MTCH2: variants seen among roughly 807,000 people sequenced by gnomAD.
MTCH2 encodes mitochondrial carrier homolog 2.
A neutral mutation model predicts 50.6 loss-of-function variants in MTCH2; 25 were observed. That is an observed-to-expected ratio of 0.49 (90% CI 0.36 to 0.69). The LOEUF (loss-of-function observed/expected upper bound fraction) is 0.69, where lower values mean the gene tolerates loss of function less well. Among genes scored for constraint, MTCH2 ranks in the 30% least tolerant of loss-of-function variants. MTCH2 has a pLI of 0.00. For synonymous variants in MTCH2, 106 were observed against 132.0 expected (o/e 0.80, Z 1.35); for missense variants, 273 against 384.4 (o/e 0.71, Z 2.42).
chr11:47,638,545 CAAAA>C (rs59317101), intron 3 of MTCH2, among the ~76,000 whole-genome samples, 150 bp downstream of exon 3: 1 of 53,066 alleles, frequency 1.9e-5, no homozygotes, highest in African/African-American at 8.5e-5. Flanking sequence ...GACTCCATCT[CAAAA>C]AAAAAAAAAA....
rs546623888 is a variant in MTCH2, at chr11:47,629,191, C to T, written c.540-145G>A. ...AGGAATCAAACACCAGAATCCAGCCCGCATACCTAGTTCATTCTCGTTAAC... is the reference window on the plus strand; with the variant it reads ...AGGAATCAAACACCAGAATCCAGCCTGCATACCTAGTTCATTCTCGTTAAC... On this transcript the variant is annotated intron_variant, in intron 8 of 12. Transcript: ENST00000302503. 184 of 646,136 alleles carry T rather than the reference C, an allele frequency of 2.8e-4. 1 individual carries two copies. The highest frequency in any genetic ancestry group is 2.0e-3 in the South Asian group (115 of 56,130). The allele number at this position is 646,136 out of a possible 1,614,324, so 40.0% of individuals were successfully genotyped here. A position where few individuals can be genotyped will look rare whatever the true frequency, so the allele number is the denominator to read the frequency against.
intron 12 of MTCH2, among the ~76,000 whole-genome samples, chr11:47,619,740 A>G (rs1282755608): frequency 6.6e-6 from 1 of 152,194 alleles, no homozygotes; most frequent in African/African-American, 2.4e-5. Flanking sequence ...CAGGAATTTG[A>G]GACCAGCCTG....
rs2097297456 is a variant in MTCH2, at chr11:47,625,692, A to G, written c.731T>C (p.Met244Thr). Residue 244 changes from methionine (M) to threonine (T), a missense_variant, in exon 11 of 13, where the codon ATG becomes ACG. Met to Thr is a moderately conservative substitution (Grantham distance 81). Transcript: ENST00000302503. ...TYPFVLVSNL[M>T]AVNNCGLAGG... ...TGCTTACCCACAGTTGTTGACAGCC[A>G]TAAGATTGGAGACAAGCACAAAGGG... is the stretch of plus-strand genomic sequence containing the variant. The G allele has an allele frequency of 2.5e-6, 4 of 1,613,156 alleles. No individual in the cohort carries two copies. Among genetic ancestry groups the G allele is most frequent in the Non-Finnish European group, 3.4e-6 (4 of 1,179,212 alleles).
At chr11:47,605,860 A>G in the MTCH2 span, among the ~76,000 whole-genome samples, 3 of 152,174 alleles carry the variant, frequency 2.0e-5, no homozygotes, top group African/African-American at 4.8e-5. Flanking sequence ...TATTGTTGAT[A>G]TTTTTATCAT....
chr11:47,631,742 C>A (rs1184378672), intron 5 of MTCH2, 31 bp from the exon 6 acceptor site: 1 of 1,612,622 alleles, frequency 6.2e-7, no homozygotes, highest in Non-Finnish European at 8.5e-7. Flanking sequence ...CTTCTGAAAT[C>A]TAAACAAATG....
chr11:47,631,049 C>G lies in MTCH2; in HGVS notation c.466G>C (p.Glu156Gln), dbSNP rs774983894. 1 of 1,612,290 alleles carries G rather than the reference C, an allele frequency of 6.2e-7. No homozygotes were observed. Among genetic ancestry groups the G allele is most frequent in the Non-Finnish European group, 8.5e-7 (1 of 1,178,544 alleles). ...LRSMVQFIGR[E>Q]SKYCGLCDSI... ...AAAAATACTTACCAGTACTTGGATT[C>G]TCTGCCAATGAACTGTACCATAGAT... The change falls in exon 7 of 13, where the codon GAA becomes CAA. Residue 156 changes from glutamate to glutamine, a missense_variant. Around this residue, in one of 2 missense-constraint regions of MTCH2, gnomAD observed 203 missense variants for 244.3 expected, o/e 0.83. Transcript: ENST00000302503.
chr11:47,633,405 C>T (rs1041850112), intron 5 of MTCH2, among the ~76,000 whole-genome samples: 4 of 148,356 alleles, frequency 2.7e-5, no homozygotes, highest in African/African-American at 7.5e-5. Context: ...CCACCACGCC[C>T]GGCCGTATCC....
At chr11:47,641,237 A>G (rs2097313917) in intron 1 of MTCH2, among the ~76,000 whole-genome samples, 1 of 152,186 alleles carries the variant, frequency 6.6e-6, no homozygotes, top group Non-Finnish European at 1.5e-5. Context: ...CTCCGATGCT[A>G]TCTAGCCCCA....
chr11:47,628,585 T>C (rs1455200892), intron 9 of MTCH2, among the ~76,000 whole-genome samples: 1 of 135,420 alleles, frequency 7.4e-6, no homozygotes, highest in Middle Eastern at 3.7e-3. Flanking sequence ...ATTTATTATT[T>C]ATTTTTTGAA....
Position 47,638,747 on chromosome 11 carries a change from T to C in MTCH2, c.231A>G (p.Arg77=). 4.3e-6 allele frequency: 7 copies of C among 1,614,272 alleles called. No homozygotes were observed. Among genetic ancestry groups the C allele is most frequent in the Non-Finnish European group, 5.9e-6 (7 of 1,180,052 alleles). The change falls in exon 3 of 13, where the codon AGA becomes AGG. Residue 77 remains arginine (R), a synonymous_variant. Coordinates refer to ENST00000302503, the MANE Select transcript of MTCH2 (RefSeq NM_014342.4). Reference sequence around the variant, plus strand: ...CAGTTCCAAGGACTCCCGAACACAGTCTTGGAGTTAAGCCTGTGAACAACC... The same window carrying C: ...CAGTTCCAAGGACTCCCGAACACAGCCTTGGAGTTAAGCCTGTGAACAACC... The part of the protein sequence containing the change: ...RRGLFTGLTP[R]LCSGVLGTVV...
At chr11:47,605,731 G>A in the MTCH2 span, among the ~76,000 whole-genome samples, 2 of 152,098 alleles carry the variant, frequency 1.3e-5, no homozygotes, top group African/African-American at 4.8e-5. Flanking sequence ...CTCTGAGATC[G>A]ATATTTTCCT....
Position 47,617,560 on chromosome 11 carries a change from G to A in MTCH2, c.*1273C>T, listed in dbSNP as rs577529926. 1 of 152,748 alleles carries A rather than the reference G, an allele frequency of 6.5e-6. No individual in the cohort carries two copies. The highest frequency in any genetic ancestry group is 6.5e-5 in the Admixed American group (1 of 15,296). The allele number at this position is 152,748 out of a possible 1,614,324, so 9.5% of individuals were successfully genotyped here. A position where few individuals can be genotyped will look rare whatever the true frequency, so the allele number is the denominator to read the frequency against. ...TCTGTCTAATATTATCAGTGGGGCTGTTTTGACAGAGAAGTCTCAGAAGCA... is the reference window on the plus strand; with the variant it reads ...TCTGTCTAATATTATCAGTGGGGCTATTTTGACAGAGAAGTCTCAGAAGCA... On this transcript the variant is annotated 3_prime_UTR_variant, in exon 13 of 13. Transcript: ENST00000302503.
chr11:47,636,453 C>G (rs561185280), intron 3 of MTCH2, among the ~76,000 whole-genome samples: 6 of 148,314 alleles, frequency 4.0e-5, no homozygotes, highest in Non-Finnish European at 8.9e-5. Flanking sequence ...GAAAAGGGGC[C>G]GGGCATGGTG....
Position 47,642,515 on chromosome 11 carries a change from C to A in MTCH2, c.-50G>T, listed in dbSNP as rs1222520409. On this transcript the variant is annotated 5_prime_UTR_variant, in exon 1 of 13. Coordinates refer to ENST00000302503, the MANE Select transcript of MTCH2 (RefSeq NM_014342.4). ...AGACAGACGGAGCCACCAAGCGACC[C>A]GGTGAGCCGGTCCTAGGTCACGTGC... is the stretch of plus-strand genomic sequence containing the variant. 1.3e-6 allele frequency: 2 copies of A among 1,516,786 alleles called. No individual in the cohort carries two copies. The highest frequency in any genetic ancestry group is 1.8e-6 in the Non-Finnish European group (2 of 1,125,354). 94.0% of individuals were successfully genotyped at this position (1,516,786 alleles called of 1,614,324 possible).
At chr11:47,639,159 A>G (rs1598856565) in intron 1 of MTCH2, 108 bp from the exon 2 acceptor site, 1 of 955,434 alleles carries the variant, frequency 1.0e-6, no homozygotes, top group Non-Finnish European at 1.6e-6. Context: ...AAACACAAGT[A>G]AAAATGCAGC....
In MTCH2 at chr11:47,638,981, C is replaced by T. The variant is rs765907399; in HGVS notation, c.158G>A (p.Gly53Asp). ...IFGRQVCQLP[G>D]LFSYAQHIAS... The stretch of plus-strand genomic sequence containing the variant: ...AAGGCACTTACCATAACTAAAGAGA[C>T]CAGGAAGCTGACACACTTGCCGCCC... Residue 53 changes from glycine (G) to aspartate (D), a missense_variant, in exon 2 of 13, where the codon GGT (glycine) becomes GAT (aspartate). By Grantham distance (94) the Gly-to-Asp change is moderately conservative. This residue lies in a region of MTCH2 where 203 missense variants were observed against 244.3 expected (regional missense o/e 0.83). Transcript: ENST00000302503. The T allele has an allele frequency of 1.9e-6, 3 of 1,613,334 alleles. No homozygotes were observed. The highest frequency in any genetic ancestry group is 1.3e-5 in the African/African-American group (1 of 74,996).
At chr11:47,637,140 C>A (rs1286711188) in intron 3 of MTCH2, among the ~76,000 whole-genome samples, 2 of 152,030 alleles carry the variant, frequency 1.3e-5, no homozygotes, top group Non-Finnish European at 2.9e-5. Context: ...CATGCGCCCA[C>A]CACCACGCCT....
At chr11:47,621,791 C>T (rs1387184823) in intron 12 of MTCH2, among the ~76,000 whole-genome samples, 1 of 151,974 alleles carries the variant, frequency 6.6e-6, no homozygotes, top group Admixed American at 6.6e-5. Flanking sequence ...GCCTCAAACT[C>T]CTGGACTCAT....
intron 3 of MTCH2, among the ~76,000 whole-genome samples, chr11:47,638,291 GTGGCTCAT>G (rs1251183478): frequency 6.8e-6 from 1 of 148,126 alleles, no homozygotes; most frequent in African/African-American, 2.5e-5. Flanking sequence ...GCCGGGCGCG[GTGGCTCAT>G]GCTTGTAATC....
Sources: gnomAD v4.1 joint callset for allele counts (sites outside exome capture counted in the v4.1 genomes callset) on GRCh38, gnomAD v4.1.1 for gene constraint, gnomAD v4.1.1 regional missense constraint, MANE v1.5 for transcripts, NCBI Gene and HGNC (gene_info 2026-07-23, HGNC 2026-07-21) for gene names.